UVRAG: variants seen among roughly 807,000 people sequenced by gnomAD.
The protein encoded by UVRAG is UV radiation resistance-associated gene protein.
A neutral mutation model predicts 78.0 loss-of-function variants in UVRAG; 19 were observed. The observed-to-expected ratio is 0.24, with a 90% CI of 0.17 to 0.36. The LOEUF (loss-of-function observed/expected upper bound fraction) is 0.36, where lower values mean the gene tolerates loss of function less well. Ranked by LOEUF, UVRAG falls within the 10% of genes least tolerant of loss-of-function variation. The probability of loss-of-function intolerance (pLI) is 1.00; values close to 1 mark genes in which losing one functional copy is unlikely to be tolerated. For missense variants in UVRAG, 740 were observed against 853.8 expected, an observed-to-expected ratio of 0.87 and a Z score of 1.66; for synonymous variants, 323 against 324.6, an observed-to-expected ratio of 1.00 and a Z score of 0.05.
At chr11:75,932,514 G>C (rs1948265039) in intron 6 of UVRAG, among the ~76,000 whole-genome samples, 1 of 152,058 alleles carries the variant, frequency 6.6e-6, no homozygotes, top group East Asian at 1.9e-4. Flanking sequence ...TCGATCTCCT[G>C]AGCTCATGAT....
chr11:75,847,787 A>T (rs1324934103), intron 1 of UVRAG, among the ~76,000 whole-genome samples: 1 of 151,870 alleles, frequency 6.6e-6, no homozygotes, highest in Admixed American at 6.6e-5. Flanking sequence ...CCTGGCCAAC[A>T]TGGTGAAACC....
intron 13 of UVRAG, among the ~76,000 whole-genome samples, chr11:76,092,707 T>G (rs1316899464): frequency 1.3e-5 from 2 of 152,212 alleles, no homozygotes; most frequent in Admixed American, 6.5e-5. Context: ...GTAAATTTGT[T>G]TGAGTTCTTT....
At chr11:75,940,769 C>G (rs1204642826) in intron 6 of UVRAG, among the ~76,000 whole-genome samples, 1 of 152,040 alleles carries the variant, frequency 6.6e-6, no homozygotes, top group Admixed American at 6.6e-5. Flanking sequence ...ATTTTTATCC[C>G]CATTTTGCAG....
intron 2 of UVRAG, among the ~76,000 whole-genome samples, chr11:75,860,286 A>G (rs192368591): frequency 3.5e-4 from 54 of 152,372 alleles, no homozygotes; most frequent in Admixed American, 2.5e-3. Flanking sequence ...GATACCACTC[A>G]TCTTAGAGCT....
intron 13 of UVRAG, among the ~76,000 whole-genome samples, chr11:76,089,983 C>T (rs575495836): frequency 2.0e-5 from 3 of 152,270 alleles, no homozygotes; most frequent in Admixed American, 6.5e-5. Context: ...GGAAGTTGGA[C>T]CTGCCTTATT....
intron 1 of UVRAG, among the ~76,000 whole-genome samples, chr11:75,826,966 T>G (rs1451633162): frequency 6.6e-6 from 1 of 152,322 alleles, no homozygotes; most frequent in African/African-American, 2.4e-5. Context: ...GGAGTCTCAC[T>G]TTGTTGGTCC....
intron 13 of UVRAG, among the ~76,000 whole-genome samples, chr11:76,080,704 C>T (rs1007788542): frequency 2.6e-5 from 4 of 152,106 alleles, no homozygotes; most frequent in African/African-American, 9.7e-5. Flanking sequence ...GCTGGTCAAG[C>T]TATGTATTTT....
intron 2 of UVRAG, among the ~76,000 whole-genome samples, chr11:75,859,067 T>C (rs886476235): frequency 1.3e-5 from 2 of 152,196 alleles, no homozygotes; most frequent in Non-Finnish European, 2.9e-5. Context: ...GAAGTAGGTC[T>C]TGAATGATAT....
intron 5 of UVRAG, among the ~76,000 whole-genome samples, chr11:75,900,799 A>C (rs559859848): frequency 1.3e-5 from 2 of 152,358 alleles, no homozygotes; most frequent in East Asian, 3.9e-4. Flanking sequence ...CTGTTGATTT[A>C]AATTTAAAAT....
At chr11:75,925,989 T>A (rs1212059133) in intron 6 of UVRAG, among the ~76,000 whole-genome samples, 2 of 152,178 alleles carry the variant, frequency 1.3e-5, no homozygotes, top group African/African-American at 2.4e-5. Flanking sequence ...CGTGACATTC[T>A]TTTCTCTTGT....
intron 1 of UVRAG, among the ~76,000 whole-genome samples, chr11:75,839,838 T>TATATAC (rs891973641): frequency 5.3e-5 from 8 of 149,754 alleles, no homozygotes; most frequent in African/African-American, 1.7e-4. Flanking sequence ...TATATATATA[T>TATATAC]ACACACCCCC....
Position 75,882,253 on chromosome 11 carries a change from G to A in UVRAG, c.432+2213G>A, listed in dbSNP as rs376299637. Among the ~76,000 whole-genome samples, 5 of 151,178 alleles carry A rather than the reference G, an allele frequency of 3.3e-5. No individual in the cohort carries two copies. The East Asian group carries it at 5.8e-4, about 17-fold the overall frequency. ...GGGCCAGGTGTGGTGGCTCATGCCT[G>A]TAACCTTGGGAGCAGTTTGGGAGGC... On this transcript the variant is annotated intron_variant, in intron 4 of 14. Transcript: ENST00000356136.
In UVRAG at chr11:76,038,849, A is replaced by G. The variant is rs538009006; in HGVS notation, c.1226+21869A>G. Among the ~76,000 whole-genome samples the G allele has an allele frequency of 2.7e-4, 41 of 152,328 alleles. 1 individual carries two copies. Among genetic ancestry groups the G allele is most frequent in the African/African-American group, 9.6e-4 (40 of 41,576 alleles). On this transcript the variant is annotated intron_variant, in intron 12 of 14. Coordinates refer to ENST00000356136, the MANE Select transcript of UVRAG (RefSeq NM_003369.4). ...TGGGAGTGAAATATGGCTGACAGCT[A>G]GCAAGGAACTAGCTCAGCCCTACCA... is the stretch of plus-strand genomic sequence containing the variant.
At chr11:75,870,780 A>C (rs73491761) in intron 3 of UVRAG, among the ~76,000 whole-genome samples, 4,975 of 152,230 alleles carry the variant, frequency 0.033, 280 homozygotes, top group African/African-American at 0.11. Context: ...GATATTGTAC[A>C]CATCTAGTAA....
At chr11:76,061,723 C>A (rs1045982111) in intron 12 of UVRAG, among the ~76,000 whole-genome samples, 1 of 151,938 alleles carries the variant, frequency 6.6e-6, no homozygotes, top group African/African-American at 2.4e-5. Flanking sequence ...AAGGAACAAA[C>A]TCCGGACACA....
At chr11:75,830,137 G>A (rs907641100) in intron 1 of UVRAG, among the ~76,000 whole-genome samples, 2 of 152,144 alleles carry the variant, frequency 1.3e-5, no homozygotes, top group African/African-American at 4.8e-5. Context: ...ACTGTGCCTG[G>A]CCAATTAATT....
At chr11:75,842,996 A>G (rs1171349232) in intron 1 of UVRAG, among the ~76,000 whole-genome samples, 1 of 152,178 alleles carries the variant, frequency 6.6e-6, no homozygotes, top group Non-Finnish European at 1.5e-5. Context: ...TGATCCAGCA[A>G]GGGAGGGTGA....
At chr11:75,959,918 G>A (rs1292792879) in intron 6 of UVRAG, among the ~76,000 whole-genome samples, 1 of 152,192 alleles carries the variant, frequency 6.6e-6, no homozygotes, top group Non-Finnish European at 1.5e-5. Context: ...GAGGAAGAGA[G>A]ACTGGGAATG....
At chr11:76,043,186 C>T (rs1192945163) in intron 12 of UVRAG, among the ~76,000 whole-genome samples, 1 of 152,004 alleles carries the variant, frequency 6.6e-6, no homozygotes, top group Non-Finnish European at 1.5e-5. Context: ...TCATTATTCT[C>T]TAATTTTAAA....
Sources: gnomAD v4.1 joint callset for allele counts (sites outside exome capture counted in the v4.1 genomes callset) on GRCh38, gnomAD v4.1.1 for gene constraint, MANE v1.5 for transcripts, NCBI Gene and HGNC (gene_info 2026-07-23, HGNC 2026-07-21) for gene names.